KCNMB2: variants seen among roughly 807,000 people sequenced by gnomAD.
The protein encoded by KCNMB2 is potassium calcium-activated channel subfamily M regulatory beta subunit 2.
A neutral mutation model predicts 24.5 loss-of-function variants in KCNMB2; 9 were observed. The observed-to-expected ratio is 0.37, with a 90% CI of 0.22 to 0.64. KCNMB2 has a LOEUF of 0.64. Ranked by LOEUF, KCNMB2 falls within the 30% of genes least tolerant of loss-of-function variation. The pLI, the probability that KCNMB2 is intolerant of heterozygous loss-of-function variation, is 0.63. For synonymous variants in KCNMB2, 109 were observed against 104.4 expected (o/e 1.04, Z -0.27); for missense variants, 226 against 284.3 (o/e 0.79, Z 1.47).
chr3:178,768,610 T>G (rs1455328037), intron 1 of KCNMB2, among the ~76,000 whole-genome samples: 1 of 152,138 alleles, frequency 6.6e-6, no homozygotes, highest in Non-Finnish European at 1.5e-5. Flanking sequence ...TGAAAAGCAC[T>G]GCAGGAGGTA....
chr3:178,787,233 A>G (rs754251206), intron 1 of KCNMB2, among the ~76,000 whole-genome samples: 4 of 152,314 alleles, frequency 2.6e-5, no homozygotes, highest in Non-Finnish European at 2.9e-5. Flanking sequence ...ATTCATTTTT[A>G]AGTGGTAATA....
intron 1 of KCNMB2, among the ~76,000 whole-genome samples, chr3:178,784,874 T>A (rs1460292215): frequency 1.6e-5 from 2 of 121,392 alleles, no homozygotes; most frequent in African/African-American, 3.1e-5. Flanking sequence ...CCTGAAGCCT[T>A]AAAAAAAAAA....
intron 1 of KCNMB2, among the ~76,000 whole-genome samples, chr3:178,575,323 TCAC>T (rs771103212): frequency 4.6e-5 from 7 of 152,104 alleles, no homozygotes; most frequent in Non-Finnish European, 8.8e-5. Flanking sequence ...TTATGTCACA[TCAC>T]CACAAGTAAA....
At chr3:178,615,371 C>G (rs1718667684) in intron 1 of KCNMB2, among the ~76,000 whole-genome samples, 1 of 152,210 alleles carries the variant, frequency 6.6e-6, no homozygotes, top group African/African-American at 2.4e-5. Flanking sequence ...GGTGAATTCC[C>G]CCAGGCCCCA....
intron 1 of KCNMB2, among the ~76,000 whole-genome samples, chr3:178,617,414 C>T (rs943953454): frequency 2.1e-4 from 32 of 151,386 alleles, no homozygotes; most frequent in African/African-American, 7.5e-4. Context: ...AAACATTAGC[C>T]GGGCGTGGTG....
intron 1 of KCNMB2, among the ~76,000 whole-genome samples, chr3:178,760,043 T>TCCAAGAGG (rs1711724027): frequency 2.2e-5 from 1 of 44,838 alleles, no homozygotes; most frequent in Non-Finnish European, 3.8e-5. Context: ...TATATATATA[T>TCCAAGAGG]ATCCAAGAGG....
rs539371685 is a variant in KCNMB2 at position 178,624,208 on chromosome 3, A to T, written c.-68+87497A>T. On this transcript the variant is annotated intron_variant, in intron 1 of 4. Coordinates refer to ENST00000452583, the MANE Select transcript of KCNMB2 (RefSeq NM_181361.3). Reference sequence around the variant, plus strand: ...ACCTCAGAGAATTAAATAAATAAATAAATAACAAAACAAACAAAAAATTTG... The same window carrying T: ...ACCTCAGAGAATTAAATAAATAAATTAATAACAAAACAAACAAAAAATTTG... 5.9e-5 allele frequency among the ~76,000 whole-genome samples: 9 copies of T among 151,326 alleles called. No individual in the cohort carries two copies. In the South Asian group the frequency reaches 1.9e-3, roughly 32 times the overall value.
intron 1 of KCNMB2, among the ~76,000 whole-genome samples, chr3:178,751,089 A>G (rs1490538543): frequency 6.6e-6 from 1 of 152,042 alleles, no homozygotes; most frequent in Non-Finnish European, 1.5e-5. Context: ...TTTTTTGCCT[A>G]CCAGGAGCAT....
chr3:178,719,188 T>C (rs1412404612), intron 1 of KCNMB2, among the ~76,000 whole-genome samples: 2 of 151,448 alleles, frequency 1.3e-5, no homozygotes, highest in Non-Finnish European at 3.0e-5. Flanking sequence ...AATTACTGCA[T>C]GTCAACACCC....
At chr3:178,715,560 A>C (rs1371659896) in intron 1 of KCNMB2, among the ~76,000 whole-genome samples, 3 of 152,054 alleles carry the variant, frequency 2.0e-5, no homozygotes, top group African/African-American at 7.2e-5. Context: ...AGGAGGAACA[A>C]GTTAGGACCT....
intron 1 of KCNMB2, among the ~76,000 whole-genome samples, chr3:178,586,473 AT>A: frequency 1.4e-5 from 2 of 140,296 alleles, no homozygotes; most frequent in South Asian, 4.4e-4. Flanking sequence ...GCCTGTCATA[AT>A]TTTTTTTCAG....
chr3:178,738,455 T>A (rs1192133285), intron 1 of KCNMB2, among the ~76,000 whole-genome samples: 1 of 152,196 alleles, frequency 6.6e-6, no homozygotes, highest in African/African-American at 2.4e-5. Flanking sequence ...CCAAAGATCC[T>A]CAGCATGGCT....
chr3:178,668,510 C>T (rs1720795319), intron 1 of KCNMB2, among the ~76,000 whole-genome samples: 1 of 151,918 alleles, frequency 6.6e-6, no homozygotes, highest in South Asian at 2.1e-4. Context: ...ATAACCCTAG[C>T]AGGAAGTGAG....
At chr3:178,831,365 A>G (rs1560039639) in intron 4 of KCNMB2, among the ~76,000 whole-genome samples, 2 of 152,230 alleles carry the variant, frequency 1.3e-5, no homozygotes, top group Non-Finnish European at 2.9e-5. Flanking sequence ...AAGCAGAACT[A>G]TCATTCATCC....
chr3:178,817,870 C>A (rs1406955882), intron 2 of KCNMB2, among the ~76,000 whole-genome samples: 1 of 152,128 alleles, frequency 6.6e-6, no homozygotes, highest in African/African-American at 2.4e-5. Flanking sequence ...ATAAAAGGAA[C>A]ATATTTTGTG....
intron 1 of KCNMB2, among the ~76,000 whole-genome samples, chr3:178,721,852 T>C (rs1265463883): frequency 1.3e-5 from 2 of 152,236 alleles, no homozygotes; most frequent in Non-Finnish European, 1.5e-5. Flanking sequence ...CCTTTTTATG[T>C]GGTAATTTTC....
intron 1 of KCNMB2, among the ~76,000 whole-genome samples, chr3:178,631,480 A>T (rs1046206630): frequency 7.9e-5 from 12 of 152,254 alleles, no homozygotes; most frequent in African/African-American, 2.9e-4. Context: ...GCTTCCGCCT[A>T]TGCGGCTGGC....
intron 1 of KCNMB2, among the ~76,000 whole-genome samples, chr3:178,633,341 C>T (rs1217899980): frequency 6.6e-6 from 1 of 152,218 alleles, no homozygotes. Flanking sequence ...GGGCCCCAGC[C>T]CCTCCAGCAA....
rs182592187 is a variant in KCNMB2, at chr3:178,610,383, A to G, written c.-68+73672A>G. Reference sequence around the variant, plus strand: ...ACAATATTGATTCTTTCAATACATGAACATGAAATATTTTTCCATTTTTTG... The same window carrying G: ...ACAATATTGATTCTTTCAATACATGGACATGAAATATTTTTCCATTTTTTG... On this transcript the variant is annotated intron_variant, in intron 1 of 4. Transcript: ENST00000452583. Among the ~76,000 whole-genome samples the G allele has an allele frequency of 8.7e-4, 132 of 152,312 alleles. 1 individual carries two copies. The highest frequency in any genetic ancestry group is 1.3e-3 in the Non-Finnish European group (87 of 68,034).
Sources: allele counts gnomAD v4.1 joint callset (sites outside exome capture counted in the v4.1 genomes callset), GRCh38; gene constraint gnomAD v4.1.1; transcripts MANE v1.5; gene names NCBI Gene and HGNC (gene_info 2026-07-23, HGNC 2026-07-21).